The following CHCHD3 variants were observed in gnomAD, a reference collection of about 807,000 sequenced individuals.
The protein encoded by CHCHD3 is MICOS complex subunit MIC19.
A neutral mutation model predicts 38.2 loss-of-function variants in CHCHD3; 20 were observed. The ratio of observed to expected loss-of-function variants is 0.52; its 90% CI spans 0.37 to 0.76. CHCHD3 has a LOEUF of 0.76. Ranked by LOEUF, CHCHD3 falls within the 30% of genes least tolerant of loss-of-function variation. The pLI is 0.00. For missense variants in CHCHD3, 245 were observed against 279.2 expected, an observed-to-expected ratio of 0.88 and a Z score of 0.87; for synonymous variants, 82 against 100.0, an observed-to-expected ratio of 0.82 and a Z score of 1.07.
intron 4 of CHCHD3, among the ~76,000 whole-genome samples, chr7:132,943,489 T>G (rs140794928): frequency 1.4e-3 from 210 of 152,148 alleles, no homozygotes; most frequent in African/African-American, 4.7e-3. Context: ...AATTACTTAT[T>G]CAAAAAGCTA....
At position 132,985,779 on chromosome 7, in the gene CHCHD3, C is replaced by CGG. The variant is rs1281223867; in HGVS notation, c.252-10495_252-10494dup. Among the ~76,000 whole-genome samples, 51 of 60,176 alleles carry CGG rather than the reference C, an allele frequency of 8.5e-4. 4 individuals carry two copies. The highest frequency in any genetic ancestry group is 3.1e-3 in the African/African-American group (50 of 16,036). 39.5% of individuals were successfully genotyped at this position (60,176 alleles called of 152,430 possible). ...CCAGCCACCCCGTCCGGGAGGGAGG[C>CGG]GGGGGGGTCAGCCCCCCGCCCGGCC... On this transcript the variant is annotated intron_variant, in intron 3 of 7. Coordinates refer to ENST00000262570, the MANE Select transcript of CHCHD3 (RefSeq NM_017812.4).
At chr7:132,987,105 A>G (rs906237419) in intron 3 of CHCHD3, among the ~76,000 whole-genome samples, 1 of 152,212 alleles carries the variant, frequency 6.6e-6, no homozygotes, top group African/African-American at 2.4e-5. Flanking sequence ...CCATGACTTC[A>G]ATATTGAACA....
At chr7:133,028,775 C>T (rs1425311079) in intron 2 of CHCHD3, among the ~76,000 whole-genome samples, 1 of 151,846 alleles carries the variant, frequency 6.6e-6, no homozygotes, top group Non-Finnish European at 1.5e-5. Context: ...ATCCCAGCTA[C>T]TCAGGAGGCT....
At chr7:133,057,466 T>C (rs775032461) in intron 2 of CHCHD3, among the ~76,000 whole-genome samples, 1 of 151,960 alleles carries the variant, frequency 6.6e-6, no homozygotes, top group Non-Finnish European at 1.5e-5. Flanking sequence ...GAGGCTGAGA[T>C]AGGAGAATCT....
chr7:133,022,220 C>T (rs1419361731), intron 3 of CHCHD3, among the ~76,000 whole-genome samples: 2 of 152,128 alleles, frequency 1.3e-5, no homozygotes, highest in Non-Finnish European at 2.9e-5. Flanking sequence ...TCAAAATGTA[C>T]GTACGTAGAT....
chr7:132,991,445 C>A (rs935349164), intron 3 of CHCHD3, among the ~76,000 whole-genome samples: 1 of 152,062 alleles, frequency 6.6e-6, no homozygotes, highest in African/African-American at 2.4e-5. Flanking sequence ...TGCCCAGTCA[C>A]AATTATTAAC....
intron 3 of CHCHD3, among the ~76,000 whole-genome samples, chr7:133,021,636 C>T (rs1813180427): frequency 6.6e-6 from 1 of 152,148 alleles, no homozygotes; most frequent in Non-Finnish European, 1.5e-5. Context: ...TATTTCCCTG[C>T]CATAAAATTC....
At chr7:132,919,305 G>T (rs1371795297) in intron 4 of CHCHD3, among the ~76,000 whole-genome samples, 4 of 151,722 alleles carry the variant, frequency 2.6e-5, no homozygotes, top group Non-Finnish European at 4.4e-5. Flanking sequence ...TAGAGACGGG[G>T]TTTCATCGTG....
chr7:133,004,407 T>C (rs1302859807), intron 3 of CHCHD3, among the ~76,000 whole-genome samples: 7 of 152,200 alleles, frequency 4.6e-5, no homozygotes, highest in Non-Finnish European at 1.0e-4. Context: ...TCACAAAAGA[T>C]AGGACTGACT....
intron 4 of CHCHD3, among the ~76,000 whole-genome samples, chr7:132,939,341 T>A (rs903615417): frequency 1.3e-5 from 2 of 152,222 alleles, no homozygotes; most frequent in Admixed American, 6.5e-5. Context: ...TCCTGCAAGC[T>A]CCATTCATGG....
chr7:132,903,683 G>A (rs553381849), intron 4 of CHCHD3, among the ~76,000 whole-genome samples: 2 of 152,062 alleles, frequency 1.3e-5, no homozygotes, highest in Non-Finnish European at 2.9e-5. Flanking sequence ...ATGGGTATCC[G>A]GCCTGCTTAT....
intron 6 of CHCHD3, among the ~76,000 whole-genome samples, chr7:132,812,200 CTTTTTTTTTTTTTTT>C (rs71529779): frequency 6.2e-5 from 5 of 81,076 alleles, no homozygotes; most frequent in Admixed American, 4.8e-4. Context: ...TTTTTCTTTT[CTTTTTTTTTTTTTTT>C]TTTTTTTTTT....
At chr7:132,876,394 T>C (rs964598807) in intron 5 of CHCHD3, among the ~76,000 whole-genome samples, 1 of 152,240 alleles carries the variant, frequency 6.6e-6, no homozygotes, top group Non-Finnish European at 1.5e-5. Context: ...CTTCCTAAAA[T>C]GTAAAGAATC....
chr7:132,898,717 C>T (rs1015869959), intron 4 of CHCHD3, among the ~76,000 whole-genome samples: 12 of 152,250 alleles, frequency 7.9e-5, no homozygotes, highest in African/African-American at 2.7e-4. Flanking sequence ...GGGAGGCTCA[C>T]GCATGGCGGG....
At chr7:132,797,200 G>A (rs1046500355) in intron 6 of CHCHD3, among the ~76,000 whole-genome samples, 6 of 152,146 alleles carry the variant, frequency 3.9e-5, no homozygotes, top group African/African-American at 2.4e-5. Flanking sequence ...CCCCAACCCT[G>A]CACACAGCTG....
intron 6 of CHCHD3, among the ~76,000 whole-genome samples, chr7:132,806,915 T>C (rs1364448983): frequency 1.3e-5 from 2 of 152,202 alleles, no homozygotes; most frequent in Non-Finnish European, 2.9e-5. Context: ...AAGGAGGGCA[T>C]GGTCCTTGCA....
chr7:132,796,740 T>C (rs1806627776), intron 6 of CHCHD3, among the ~76,000 whole-genome samples, 163 bp from the exon 7 acceptor site: 1 of 152,180 alleles, frequency 6.6e-6, no homozygotes, highest in Non-Finnish European at 1.5e-5. Context: ...GCTAAATTTT[T>C]CCCATGATAA....
chr7:132,807,896 G>A (rs1336098929), intron 6 of CHCHD3, among the ~76,000 whole-genome samples: 5 of 151,280 alleles, frequency 3.3e-5, no homozygotes, highest in Middle Eastern at 3.4e-3. Flanking sequence ...TGTATCCTCC[G>A]AGAAATTGCT....
chr7:133,032,909 T>C (rs2117459464), intron 2 of CHCHD3, among the ~76,000 whole-genome samples: 2 of 152,312 alleles, frequency 1.3e-5, no homozygotes, highest in African/African-American at 4.8e-5. Context: ...TCACTGGAGA[T>C]AAAACTATAA....
Sources: allele counts gnomAD v4.1 joint callset (sites outside exome capture counted in the v4.1 genomes callset), GRCh38; gene constraint gnomAD v4.1.1; transcripts MANE v1.5; gene names NCBI Gene and HGNC (gene_info 2026-07-23, HGNC 2026-07-21).